The following LIF variants were observed in gnomAD, a reference collection of about 807,000 sequenced individuals.
LIF encodes leukemia inhibitory factor.
LIF carries 9 observed loss-of-function variants against 15.0 expected under a neutral mutation model. The ratio of observed to expected loss-of-function variants is 0.60; its 90% CI spans 0.36 to 1.04. LIF has a LOEUF of 1.04. Ranked by LOEUF, LIF falls within the 50% of genes least tolerant of loss-of-function variation. LIF has a pLI of 0.01. For synonymous variants in LIF, 122 were observed against 119.7 expected (o/e 1.02, Z -0.13); for missense variants, 240 against 266.7 (o/e 0.90, Z 0.70).
Position 30,240,929 on chromosome 22 carries a change from C to A in LIF, c.*2722G>T, listed in dbSNP as rs1426524844. 6.6e-6 allele frequency: 1 copy of A among 152,200 alleles called. No homozygotes were observed. The highest frequency in any genetic ancestry group is 1.5e-5 in the Non-Finnish European group (1 of 68,056). 9.4% of individuals were successfully genotyped at this position (152,200 alleles called of 1,614,324 possible). A position where few individuals can be genotyped will look rare whatever the true frequency, so the allele number is the denominator to read the frequency against. On this transcript the variant is annotated 3_prime_UTR_variant, in exon 3 of 3. Coordinates refer to ENST00000249075, the MANE Select transcript of LIF (RefSeq NM_002309.5). ...CGATGGGGACGATGGGGAGGAGAGACAAGTAAACTAGCAGTGCTTTTTAAA... is the reference window on the plus strand; with the variant it reads ...CGATGGGGACGATGGGGAGGAGAGAAAAGTAAACTAGCAGTGCTTTTTAAA...
At chr22:30,246,493 G>T (rs1231979759) in intron 1 of LIF, 184 bp downstream of exon 1, 2 of 1,277,318 alleles carry the variant, frequency 1.6e-6, no homozygotes. Context: ...GGCGTGCGGT[G>T]CTTGGGACCA....
In LIF at chr22:30,241,646, G is replaced by C. The variant is rs1288203500; in HGVS notation, c.*2005C>G. 6.5e-6 allele frequency: 1 copy of C among 152,862 alleles called. No homozygotes were observed. Among genetic ancestry groups the C allele is most frequent in the Non-Finnish European group, 1.5e-5 (1 of 68,160 alleles). 9.5% of individuals were successfully genotyped at this position (152,862 alleles called of 1,614,324 possible). A position where few individuals can be genotyped will look rare whatever the true frequency, so the allele number is the denominator to read the frequency against. ...GTACCATAATTAGTACCATCATCTT[G>C]TCGGAGGAACTTGGAGGCCGGCAGC... On this transcript the variant is annotated 3_prime_UTR_variant, in exon 3 of 3. Transcript: ENST00000249075. The surrounding 1 kb of genome is among the most constrained non-coding windows in gnomAD (Gnocchi z 4.4).
intron 1 of LIF, 55 bp from the exon 2 acceptor site, chr22:30,244,988 G>T (rs1193288491): frequency 6.3e-7 from 1 of 1,576,422 alleles, no homozygotes; most frequent in Non-Finnish European, 8.7e-7. Context: ...GGTGGCCTGG[G>T]GTCATGGCAC....
chr22:30,244,682 T>C, intron 2 of LIF, 73 bp downstream of exon 2: 1 of 1,442,230 alleles, frequency 6.9e-7, no homozygotes, highest in Non-Finnish European at 9.7e-7. Context: ...TCAACCCAGA[T>C]CAGGACAGCC....
At chr22:30,245,015 A>G in intron 1 of LIF, 82 bp from the exon 2 acceptor site, 2 of 1,380,280 alleles carry the variant, frequency 1.4e-6, no homozygotes, top group South Asian at 2.4e-5. Context: ...TGGGGGTCCA[A>G]CAATGGCCGC....
Sources: allele counts gnomAD v4.1 joint callset, GRCh38; gene constraint gnomAD v4.1.1; non-coding constraint Gnocchi (gnomAD v3.1); transcripts MANE v1.5; gene names NCBI Gene and HGNC (gene_info 2026-07-23, HGNC 2026-07-21).